Variants in LRRK1 observed in about 807,000 individuals in gnomAD.
The protein encoded by LRRK1 is leucine rich repeat kinase 1, also known as leucine-rich repeat serine/threonine-protein kinase 1.
In LRRK1, 113 loss-of-function variants were observed where a neutral mutation model predicts 209.1. The observed-to-expected ratio is 0.54, with a 90% confidence interval of 0.46 to 0.63. LRRK1 has a LOEUF of 0.63. LRRK1 is among the 30% of genes least tolerant of loss of function. The pLI is 0.00. For missense variants in LRRK1, 2,284 were observed against 2,632.2 expected (o/e 0.87, Z 2.89); for synonymous variants, 1,144 against 1,099.7 (o/e 1.04, Z -0.80).
chr15:101,012,472 A>G (rs1360814922), intron 10 of LRRK1, among the ~76,000 whole-genome samples: 2 of 152,110 alleles, frequency 1.3e-5, no homozygotes, highest in East Asian at 3.9e-4. Flanking sequence ...CTGTGTGCCT[A>G]CCCCAGAATA....
chr15:100,975,328 G>C (rs114602255), intron 3 of LRRK1, among the ~76,000 whole-genome samples: 1 of 152,234 alleles, frequency 6.6e-6, no homozygotes. Context: ...AGATGCTGAC[G>C]GGGGAAGATG....
At chr15:100,968,213 T>C (rs2030600942) in intron 2 of LRRK1, among the ~76,000 whole-genome samples, 2 of 152,190 alleles carry the variant, frequency 1.3e-5, no homozygotes, top group South Asian at 4.1e-4. Context: ...CTTTTTATTG[T>C]TGAGTAGTTA....
At chr15:100,953,152 C>T (rs549921522) in intron 2 of LRRK1, among the ~76,000 whole-genome samples, 1 of 152,116 alleles carries the variant, frequency 6.6e-6, no homozygotes, top group African/African-American at 2.4e-5. Flanking sequence ...CACTTAAGAT[C>T]TACTCTTTTA....
chr15:101,050,566 G>A (rs955684093), intron 23 of LRRK1, among the ~76,000 whole-genome samples: 6 of 152,086 alleles, frequency 3.9e-5, no homozygotes, highest in African/African-American at 7.3e-5. Context: ...GTGGGAGAGC[G>A]GGTTTGGAAT....
intron 20 of LRRK1, among the ~76,000 whole-genome samples, chr15:101,040,772 A>G (rs1206769504): frequency 6.6e-6 from 1 of 152,244 alleles, no homozygotes; most frequent in East Asian, 1.9e-4. Context: ...GTCAGAGAAT[A>G]TATTCTAAGA....
Position 101,051,869 on chromosome 15 carries a change from C to A in LRRK1, c.3598C>A (p.Arg1200=), listed in dbSNP as rs777443874. The change falls in exon 24 of 34, where the codon CGG becomes AGG. Residue 1200 remains arginine, a synonymous_variant. Coordinates refer to ENST00000388948, the MANE Select transcript of LRRK1 (RefSeq NM_024652.6). ...MEDCVLTAIE[R]DFISCPRHPD... is the part of the protein sequence containing the mutation. ...AGACTGTGTCCTGACGGCCATCGAGCGGGACTTCATCTCCTGCCCCAGACA... is the reference window on the plus strand; with the variant it reads ...AGACTGTGTCCTGACGGCCATCGAGAGGGACTTCATCTCCTGCCCCAGACA... 6.2e-7 allele frequency: 1 copy of A among 1,613,978 alleles called. No individual in the cohort carries two copies. Among genetic ancestry groups the A allele is most frequent in the Non-Finnish European group, 8.5e-7 (1 of 1,180,032 alleles).
At chr15:100,951,962 A>G (rs1567196980) in intron 2 of LRRK1, among the ~76,000 whole-genome samples, 1 of 139,040 alleles carries the variant, frequency 7.2e-6, no homozygotes, top group African/African-American at 2.6e-5. Context: ...TCAGAAAAAA[A>G]AAAATAATAA....
In LRRK1 at chr15:101,058,619, G is replaced by GGGC. The variant is rs1042586261; in HGVS notation, c.4679+480_4679+481insCGG. 1.6e-4 allele frequency among the ~76,000 whole-genome samples: 22 copies of GGGC among 141,880 alleles called. 4 individuals carry two copies. The highest frequency in any genetic ancestry group is 5.7e-4 in the African/African-American group (19 of 33,218). 93.1% of individuals were successfully genotyped at this position (141,880 alleles called of 152,430 possible). Reference sequence around the variant, plus strand: ...GCCCCAGATTGCAGAAGGGGCAACGGGGGGGGGCGTCTAAACAGAGTTGGG... The same window carrying GGGC: ...GCCCCAGATTGCAGAAGGGGCAACGGGGCGGGGGGGCGTCTAAACAGAGTTGGG... On this transcript the variant is annotated intron_variant, in intron 29 of 33. Transcript: ENST00000388948.
At chr15:100,998,410 C>G (rs891145914) in intron 6 of LRRK1, among the ~76,000 whole-genome samples, 4 of 152,170 alleles carry the variant, frequency 2.6e-5, no homozygotes, top group Non-Finnish European at 5.9e-5. Flanking sequence ...CACTTGCCCC[C>G]ACCCCAACCT....
intron 2 of LRRK1, among the ~76,000 whole-genome samples, chr15:100,951,941 G>A (rs922579434): frequency 3.5e-5 from 5 of 143,796 alleles, no homozygotes; most frequent in Admixed American, 1.4e-4. Context: ...CAACAAGAGC[G>A]AAACTCCATC....
intron 21 of LRRK1, among the ~76,000 whole-genome samples, chr15:101,046,570 G>A (rs1272072647): frequency 1.3e-5 from 2 of 152,234 alleles, no homozygotes; most frequent in African/African-American, 4.8e-5. Flanking sequence ...CGTGAAGTTA[G>A]AAGCACGGTT....
intron 2 of LRRK1, among the ~76,000 whole-genome samples, chr15:100,963,732 A>G (rs767935949): frequency 1.3e-5 from 2 of 152,156 alleles, no homozygotes; most frequent in African/African-American, 4.8e-5. Flanking sequence ...TTTGTTATGT[A>G]GTACTGCCCT....
intron 27 of LRRK1, among the ~76,000 whole-genome samples, chr15:101,056,655 G>A (rs1287008352): frequency 6.6e-6 from 1 of 152,168 alleles, no homozygotes; most frequent in Admixed American, 6.5e-5. Context: ...GGAAGGGTGA[G>A]AAAATGGATA....
chr15:101,026,635 C>T (rs2034046999), intron 17 of LRRK1, among the ~76,000 whole-genome samples: 1 of 152,244 alleles, frequency 6.6e-6, no homozygotes, highest in Non-Finnish European at 1.5e-5. Context: ...GGCTGACTGC[C>T]TGTCACTGGA....
At position 101,077,890 on chromosome 15, in the gene LRRK1, G is replaced by A. The variant is rs60066289; in HGVS notation, c.*9042G>A. 15,255 of 152,276 alleles carry A rather than the reference G, an allele frequency of 0.1. 1,602 individuals are homozygous for A. Among genetic ancestry groups the A allele is most frequent in the African/African-American group, 0.27 (11,074 of 41,464 alleles). The allele number at this position is 152,276 out of a possible 1,614,324, so 9.4% of individuals were successfully genotyped here. A position where few individuals can be genotyped will look rare whatever the true frequency, so the allele number is the denominator to read the frequency against. On this transcript the variant is annotated 3_prime_UTR_variant, in exon 34 of 34. Coordinates refer to ENST00000388948, the MANE Select transcript of LRRK1 (RefSeq NM_024652.6). ...CCATCGCATCCCCTGTGACCTGCAC[G>A]CATATATAAGCCCAGATGGCCTGAA...
chr15:100,997,075 TATAATC>T (rs1393490384), intron 6 of LRRK1, among the ~76,000 whole-genome samples: 1 of 147,972 alleles, frequency 6.8e-6, no homozygotes, highest in African/African-American at 2.6e-5. Context: ...TGATTATTAA[TATAATC>T]ATATCTATAG....
At chr15:101,009,657 G>A (rs2033141585) in intron 7 of LRRK1, among the ~76,000 whole-genome samples, 1 of 151,964 alleles carries the variant, frequency 6.6e-6, no homozygotes, top group African/African-American at 2.4e-5. Flanking sequence ...GCATAATCTC[G>A]GCTCATGGCA....
At chr15:101,014,725 A>G (rs1028913192) in intron 11 of LRRK1, among the ~76,000 whole-genome samples, 11 of 152,264 alleles carry the variant, frequency 7.2e-5, no homozygotes, top group Middle Eastern at 3.4e-3. Flanking sequence ...TCCTCTTCTT[A>G]TAAGGACACC....
intron 10 of LRRK1, among the ~76,000 whole-genome samples, chr15:101,013,324 G>T (rs766305764): frequency 2.6e-5 from 4 of 152,216 alleles, no homozygotes; most frequent in Non-Finnish European, 4.4e-5. Context: ...TTAATGTGGG[G>T]CAGCAAACAG....
Sources: allele counts gnomAD v4.1 joint callset (sites outside exome capture counted in the v4.1 genomes callset), GRCh38; gene constraint gnomAD v4.1.1; transcripts MANE v1.5; gene names NCBI Gene and HGNC (gene_info 2026-07-23, HGNC 2026-07-21).